LRRFIP1: variants seen among roughly 807,000 people sequenced by gnomAD.
LRRFIP1 encodes the protein leucine-rich repeat flightless-interacting protein 1.
LRRFIP1 carries 62 observed loss-of-function variants against 104.4 expected under a neutral mutation model. The ratio of observed to expected loss-of-function variants is 0.59; its 90% CI spans 0.48 to 0.73. LRRFIP1 has a LOEUF of 0.73. Among genes scored for constraint, LRRFIP1 ranks in the 30% least tolerant of loss-of-function variants. The probability of loss-of-function intolerance (pLI) is 0.00; values close to 1 mark genes in which losing one functional copy is unlikely to be tolerated. For synonymous variants in LRRFIP1, 300 were observed against 299.0 expected (o/e 1.00, Z -0.03); for missense variants, 796 against 824.5 (o/e 0.97, Z 0.42).
At chr2:237,692,209 T>A (rs2092839010) in intron 1 of LRRFIP1, 9 of 1,074,964 alleles carry the variant, frequency 8.4e-6, no homozygotes, top group Non-Finnish European at 1.0e-5. Context: ...CCCGGCGCCC[T>A]TCCACCCCGA....
rs2150179770 is a variant in LRRFIP1, at chr2:237,721,015, G to A, written c.345+193G>A. The stretch of plus-strand genomic sequence containing the variant: ...GTTGCTGTAGAGAGATGATTTATAT[G>A]CATAGGCACGTTGGTTGTTTCTTTC... On this transcript the variant is annotated intron_variant, in intron 6 of 23. Transcript: ENST00000308482. 1.5e-5 allele frequency: 8 copies of A among 547,690 alleles called. No homozygotes were observed. The South Asian group carries it at 1.9e-4, about 13-fold the overall frequency. 33.9% of individuals were successfully genotyped at this position (547,690 alleles called of 1,614,324 possible). A position where few individuals can be genotyped will look rare whatever the true frequency, so the allele number is the denominator to read the frequency against.
At chr2:237,651,150 T>C (rs150489701) in intron 1 of LRRFIP1, among the ~76,000 whole-genome samples, 10 of 152,216 alleles carry the variant, frequency 6.6e-5, no homozygotes, top group Non-Finnish European at 1.0e-4. Context: ...GAGAGGCTAG[T>C]ACGAAGAACA....
At chr2:237,762,564 C>T in intron 19 of LRRFIP1, 1 of 1,504,386 alleles carries the variant, frequency 6.6e-7, no homozygotes, top group Non-Finnish European at 9.0e-7. Flanking sequence ...GTGGCCGCCA[C>T]ATCATGGGGT....
chr2:237,773,538 A>T, intron 22 of LRRFIP1, among the ~76,000 whole-genome samples: 1 of 152,194 alleles, frequency 6.6e-6, no homozygotes, highest in South Asian at 2.1e-4. Context: ...TCTGTCTCAA[A>T]AATAAAATAA....
chr2:237,694,664 G>C (rs1052063942), intron 1 of LRRFIP1, among the ~76,000 whole-genome samples: 2 of 152,188 alleles, frequency 1.3e-5, no homozygotes, highest in African/African-American at 4.8e-5. Flanking sequence ...GAGCCGGGTT[G>C]GTCAGAGGAA....
In LRRFIP1 at chr2:237,691,095, C is replaced by G. The variant is rs988888195; in HGVS notation, c.97-17449C>G. On this transcript the variant is annotated intron_variant, in intron 1 of 23. Transcript: ENST00000308482. The surrounding 1 kb of genome is among the most constrained non-coding windows in gnomAD (Gnocchi z 5.4). Reference sequence around the variant, plus strand: ...GAAGGTGAGTGCTCACAGGCGCGAGCTCACGTTACCAAGTTGGGTCAGCGT... The same window carrying G: ...GAAGGTGAGTGCTCACAGGCGCGAGGTCACGTTACCAAGTTGGGTCAGCGT... Among the ~76,000 whole-genome samples the G allele has an allele frequency of 6.6e-6, 1 of 151,646 alleles. No individual in the cohort carries two copies. The highest frequency in any genetic ancestry group is 2.4e-5 in the African/African-American group (1 of 40,952).
intron 1 of LRRFIP1, among the ~76,000 whole-genome samples, chr2:237,643,456 T>G (rs796872421): frequency 7.2e-5 from 11 of 152,348 alleles, no homozygotes; most frequent in African/African-American, 2.6e-4. Context: ...GAGAATCCAT[T>G]TACTCTGATG....
chr2:237,673,368 G>A (rs1480424084), intron 1 of LRRFIP1, among the ~76,000 whole-genome samples: 1 of 152,132 alleles, frequency 6.6e-6, no homozygotes, highest in Non-Finnish European at 1.5e-5. Context: ...GAGTCTGGAC[G>A]TCACCCCATT....
At position 237,757,680 on chromosome 2, in the gene LRRFIP1, ATTAAT is replaced by A. The variant is rs1227349542; in HGVS notation, c.1224+136_1224+140del. The A allele has an allele frequency of 2.4e-5, 16 of 680,522 alleles. No individual in the cohort carries two copies. The Admixed American group carries it at 2.5e-4, about 11-fold the overall frequency. The allele number at this position is 680,522 out of a possible 1,614,324, so 42.2% of individuals were successfully genotyped here. A position where few individuals can be genotyped will look rare whatever the true frequency, so the allele number is the denominator to read the frequency against. On this transcript the variant is annotated intron_variant, in intron 17 of 23. Coordinates refer to ENST00000308482, the MANE Select transcript of LRRFIP1 (RefSeq NM_001137550.2). ...CAACTCCCACGTGACACAAAGTCGTATTAATTTATTTAATTTTATTAAGTAGTGAA... is the reference window on the plus strand; with the variant it reads ...CAACTCCCACGTGACACAAAGTCGTATTATTTAATTTTATTAAGTAGTGAA...
At chr2:237,763,265 G>C in intron 19 of LRRFIP1, 1 of 1,614,150 alleles carries the variant, frequency 6.2e-7, no homozygotes, top group Middle Eastern at 1.6e-4. Context: ...CAAGACAGAA[G>C]TTCCTGGTTC....
chr2:237,694,592 G>A (rs960281624), intron 1 of LRRFIP1, among the ~76,000 whole-genome samples: 8 of 152,204 alleles, frequency 5.3e-5, no homozygotes, highest in African/African-American at 1.2e-4. Context: ...CATTGTGTCC[G>A]TGGGTTCAGG....
At chr2:237,713,766 T>C (rs974242841) in intron 2 of LRRFIP1, among the ~76,000 whole-genome samples, 1 of 152,264 alleles carries the variant, frequency 6.6e-6, no homozygotes, top group Non-Finnish European at 1.5e-5. Context: ...ATTTCTGTTA[T>C]ATTCTAATGA....
chr2:237,688,932 A>T (rs1011085758), intron 1 of LRRFIP1, among the ~76,000 whole-genome samples: 21 of 151,918 alleles, frequency 1.4e-4, no homozygotes, highest in African/African-American at 4.8e-4. Context: ...TGTTTCTATA[A>T]AATGCCACCT....
At chr2:237,679,287 G>C (rs1371507831) in intron 1 of LRRFIP1, among the ~76,000 whole-genome samples, 1 of 152,134 alleles carries the variant, frequency 6.6e-6, no homozygotes, top group Non-Finnish European at 1.5e-5. Flanking sequence ...TTCTGACAAG[G>C]CTGAGTCCTG....
At chr2:237,740,611 A>G (rs554573959) in intron 11 of LRRFIP1, among the ~76,000 whole-genome samples, 2 of 152,010 alleles carry the variant, frequency 1.3e-5, no homozygotes, top group Admixed American at 6.5e-5. Context: ...GGCTTTTCCT[A>G]TTGTGGTGCT....
chr2:237,658,955 A>G (rs1234212062), intron 1 of LRRFIP1, among the ~76,000 whole-genome samples: 1 of 152,232 alleles, frequency 6.6e-6, no homozygotes, highest in Non-Finnish European at 1.5e-5. Flanking sequence ...ACTATATGGT[A>G]CTAGCACATC....
In LRRFIP1 at chr2:237,781,104, C is replaced by T. The variant is rs997372767; in HGVS notation, c.*1572C>T. Reference sequence around the variant, plus strand: ...CCTGTGCTGACCATGCTGGGCCCACCGGCAAAAGGGAGATATTCAGTTCCT... The same window carrying T: ...CCTGTGCTGACCATGCTGGGCCCACTGGCAAAAGGGAGATATTCAGTTCCT... On this transcript the variant is annotated 3_prime_UTR_variant, in exon 24 of 24. Coordinates refer to ENST00000308482, the MANE Select transcript of LRRFIP1 (RefSeq NM_001137550.2). Among the ~76,000 whole-genome samples the T allele has an allele frequency of 3.3e-5, 5 of 152,156 alleles. No individual in the cohort carries two copies. The highest frequency in any genetic ancestry group is 4.8e-5 in the African/African-American group (2 of 41,398).
At chr2:237,737,333 C>T (rs1277850729) in intron 10 of LRRFIP1, among the ~76,000 whole-genome samples, 3 of 152,180 alleles carry the variant, frequency 2.0e-5, no homozygotes, top group Non-Finnish European at 4.4e-5. Context: ...TCACAGATGC[C>T]GGGCTAAGGA....
chr2:237,660,868 G>C (rs2087787533), intron 1 of LRRFIP1, among the ~76,000 whole-genome samples: 1 of 152,168 alleles, frequency 6.6e-6, no homozygotes, highest in Non-Finnish European at 1.5e-5. Flanking sequence ...AGGGAGAAAA[G>C]CATGCGTTTT....
Sources: gnomAD v4.1 joint callset for allele counts (sites outside exome capture counted in the v4.1 genomes callset) on GRCh38, gnomAD v4.1.1 for gene constraint, Gnocchi (gnomAD v3.1) non-coding constraint, MANE v1.5 for transcripts, NCBI Gene and HGNC (gene_info 2026-07-23, HGNC 2026-07-21) for gene names.